NEBL: variants seen among roughly 807,000 people sequenced by gnomAD.
NEBL encodes the protein LIM and SH3 protein 2.
NEBL carries 122 observed loss-of-function variants against 140.2 expected under a neutral mutation model. The observed-to-expected ratio is 0.87, with a 90% CI of 0.75 to 1.01. The LOEUF (loss-of-function observed/expected upper bound fraction) is 1.01. Among genes scored for constraint, NEBL ranks in the 50% least tolerant of loss-of-function variants. The pLI, the probability that NEBL is intolerant of heterozygous loss-of-function variation, is 0.00. For missense variants in NEBL, 1,365 were observed against 1,231.3 expected (o/e 1.11, Z -1.62); for synonymous variants, 436 against 398.9 (o/e 1.09, Z -1.11).
chr10:20,859,040 CTCTATT>C (rs1360147267), intron 8 of NEBL, among the ~76,000 whole-genome samples: 1 of 152,078 alleles, frequency 6.6e-6, no homozygotes, highest in Admixed American at 6.5e-5. Context: ...TATATTTCAT[CTCTATT>C]TCTAAGAAAG....
chr10:20,985,240 G>A (rs1384815946), intron 3 of NEBL, among the ~76,000 whole-genome samples: 4 of 152,102 alleles, frequency 2.6e-5, no homozygotes, highest in Non-Finnish European at 4.4e-5. Context: ...GTTGGTGACC[G>A]CTATGGTGAA....
chr10:20,946,841 C>CATTT (rs1261483688), intron 4 of NEBL, among the ~76,000 whole-genome samples: 2 of 152,176 alleles, frequency 1.3e-5, no homozygotes, highest in Non-Finnish European at 2.9e-5. Context: ...ATCCTGGCAG[C>CATTT]ATTTAACAAA....
intron 7 of NEBL, chr10:20,868,361 TA>T (rs1844539088): frequency 9.0e-6 from 3 of 332,948 alleles, no homozygotes; most frequent in Middle Eastern, 9.7e-4. Context: ...CACAATTATT[TA>T]GTATGACTAT....
chr10:20,805,866 A>G (rs1224282267), intron 26 of NEBL, among the ~76,000 whole-genome samples: 2 of 149,244 alleles, frequency 1.3e-5, no homozygotes, highest in Non-Finnish European at 3.0e-5. Flanking sequence ...AAAAAAAAAA[A>G]GTCAACTTTT....
At chr10:21,205,593 T>G (rs1368965825) in intron 3 of NEBL, among the ~76,000 whole-genome samples, 1 of 152,182 alleles carries the variant, frequency 6.6e-6, no homozygotes, top group East Asian at 1.9e-4. Flanking sequence ...ACTTATTACA[T>G]CTTGGACAAA....
intron 24 of NEBL, among the ~76,000 whole-genome samples, chr10:20,811,706 C>G (rs1838166247): frequency 6.6e-6 from 1 of 152,148 alleles, no homozygotes; most frequent in Non-Finnish European, 1.5e-5. Context: ...CTCTAAATGG[C>G]CTTTCACTAG....
intron 3 of NEBL, among the ~76,000 whole-genome samples, chr10:21,199,582 A>G (rs550629777): frequency 6.6e-6 from 1 of 152,346 alleles, no homozygotes; most frequent in African/African-American, 2.4e-5. Flanking sequence ...CTCAAGGGTG[A>G]TTCAGAGAAG....
intron 3 of NEBL, among the ~76,000 whole-genome samples, chr10:21,200,308 CTT>C (rs10671099): frequency 1.4e-3 from 114 of 81,950 alleles, no homozygotes; most frequent in African/African-American, 5.7e-3. Context: ...TTCCAAGGGA[CTT>C]TTTTTTTTTT....
rs543920601 is a variant in NEBL at position 20,780,565 on chromosome 10, A to T, written c.*5182T>A. On this transcript the variant is annotated 3_prime_UTR_variant, in exon 28 of 28. Coordinates refer to ENST00000377122, the MANE Select transcript of NEBL (RefSeq NM_006393.3). ...TGTTAAATCTCAGACCCGGGGTATT[A>T]TTAGGGTGCATTGCTTGCATCTAAC... 2 of 152,336 alleles carry T rather than the reference A, an allele frequency of 1.3e-5. No individual in the cohort carries two copies. Among genetic ancestry groups the T allele is most frequent in the African/African-American group, 4.8e-5 (2 of 41,590 alleles). 9.4% of individuals were successfully genotyped at this position (152,336 alleles called of 1,614,324 possible).
rs772980920 is a variant in NEBL, at chr10:20,799,217, G to A, written c.2761+9293C>T. Among the ~76,000 whole-genome samples, 141 of 152,156 alleles carry A rather than the reference G, an allele frequency of 9.3e-4. 1 individual carries two copies. The highest frequency in any genetic ancestry group is 1.7e-3 in the Non-Finnish European group (116 of 67,992). ...GTCACCCAGGCTGGAGTGCAGTGGC[G>A]CAATCTTGGCTTACTGCAACCTCCA... On this transcript the variant is annotated intron_variant, in intron 26 of 27. Transcript: ENST00000377122.
In NEBL at chr10:21,233,604, A is replaced by C. The variant is rs540956310; in HGVS notation, n.348+14317T>G. Among the ~76,000 whole-genome samples, 222 of 145,896 alleles carry C rather than the reference A, an allele frequency of 1.5e-3. 1 individual carries two copies. Among genetic ancestry groups the C allele is most frequent in the Non-Finnish European group, 2.5e-3 (165 of 66,950 alleles). On this transcript the variant is annotated intron_variant and non_coding_transcript_variant, in intron 3 of 8. Coordinates refer to the NEBL transcript ENST00000675702. ...CACATGTACATATTTATGTATCTAT[A>C]TATACATATATAGATATATATCTAT...
intron 4 of NEBL, among the ~76,000 whole-genome samples, chr10:20,940,169 G>T (rs1249064167): frequency 2.0e-5 from 3 of 152,068 alleles, no homozygotes; most frequent in Non-Finnish European, 4.4e-5. Flanking sequence ...TTCCAAAATT[G>T]ACCACATAGT....
intron 3 of NEBL, among the ~76,000 whole-genome samples, chr10:21,204,115 G>A (rs1173119012): frequency 1.3e-5 from 2 of 152,160 alleles, no homozygotes. Flanking sequence ...ATGTCAGTAG[G>A]GGTCTTCAAT....
intron 4 of NEBL, among the ~76,000 whole-genome samples, chr10:20,919,823 T>G (rs1290540942): frequency 6.6e-6 from 1 of 152,110 alleles, no homozygotes; most frequent in Non-Finnish European, 1.5e-5. Context: ...AAAATAAGTT[T>G]GACTACATGA....
intron 26 of NEBL, chr10:20,793,353 C>T (rs1003878052): frequency 2.0e-6 from 2 of 978,014 alleles, no homozygotes; most frequent in African/African-American, 1.8e-5. Context: ...GTTAAATCTT[C>T]AGTTTCAGCA....
chr10:20,854,127 C>T (rs1484365779), intron 9 of NEBL, among the ~76,000 whole-genome samples: 1 of 152,032 alleles, frequency 6.6e-6, no homozygotes, highest in East Asian at 1.9e-4. Context: ...TGGAAAAGAC[C>T]TTTAGTAGTA....
intron 2 of NEBL, among the ~76,000 whole-genome samples, chr10:21,160,206 T>C (rs1480424738): frequency 6.6e-6 from 1 of 152,062 alleles, no homozygotes; most frequent in African/African-American, 2.4e-5. Flanking sequence ...AAAAAACTAA[T>C]ATGCTTTTCT....
At chr10:20,994,591 C>G (rs1025875090) in intron 3 of NEBL, among the ~76,000 whole-genome samples, 4 of 152,116 alleles carry the variant, frequency 2.6e-5, no homozygotes, top group African/African-American at 9.7e-5. Flanking sequence ...TTGACCCCCC[C>G]GTACACTCAA....
At chr10:21,252,387 G>A (rs58153156) in intron 1 of NEBL, among the ~76,000 whole-genome samples, 3,884 of 152,228 alleles carry the variant, frequency 0.026, 142 homozygotes, top group African/African-American at 0.088. Context: ...GAATTATGTT[G>A]ATTGATTGAT....
Sources: gnomAD v4.1 joint callset for allele counts (sites outside exome capture counted in the v4.1 genomes callset) on GRCh38, gnomAD v4.1.1 for gene constraint, MANE v1.5 for transcripts, NCBI Gene and HGNC (gene_info 2026-07-23, HGNC 2026-07-21) for gene names.